Variants in IMMP2L observed in about 807,000 individuals in gnomAD.
IMMP2L encodes mitochondrial inner membrane protease subunit 2.
In IMMP2L, 18 loss-of-function variants were observed where a neutral mutation model predicts 19.3. The observed-to-expected ratio is 0.93, with a 90% CI of 0.64 to 1.38. The LOEUF is 1.38. IMMP2L is among the 40% of genes most tolerant of loss of function. The pLI is 0.00. For missense variants in IMMP2L, 233 were observed against 218.2 expected (o/e 1.07, Z -0.43); for synonymous variants, 76 against 73.0 (o/e 1.04, Z -0.21).
rs1288743353 is a variant in IMMP2L, at chr7:111,426,350, T to C, written c.239+60888A>G. 2.0e-5 allele frequency among the ~76,000 whole-genome samples: 3 copies of C among 150,210 alleles called. 1 individual carries two copies. Among genetic ancestry groups the C allele is most frequent in the Non-Finnish European group, 4.4e-5 (3 of 67,692 alleles). On this transcript the variant is annotated intron_variant, in intron 3 of 5. Transcript: ENST00000405709. ...TTCACCACTAAATCACAGCAACATGTATTTCATTTATAATAATTAAAGGTA... is the reference window on the plus strand; with the variant it reads ...TTCACCACTAAATCACAGCAACATGCATTTCATTTATAATAATTAAAGGTA...
chr7:111,020,543 C>G (rs945625040), intron 3 of IMMP2L, among the ~76,000 whole-genome samples: 1 of 152,128 alleles, frequency 6.6e-6, no homozygotes, highest in Non-Finnish European at 1.5e-5. Context: ...AGGTGGATTG[C>G]TTGAGCATAG....
At chr7:111,001,084 G>GAC (rs1190511399) in intron 3 of IMMP2L, among the ~76,000 whole-genome samples, 1 of 152,130 alleles carries the variant, frequency 6.6e-6, no homozygotes, top group Non-Finnish European at 1.5e-5. Context: ...GTAATGTGTA[G>GAC]ACACAGCATT....
intron 3 of IMMP2L, among the ~76,000 whole-genome samples, chr7:111,018,272 G>A (rs1398567435): frequency 6.6e-6 from 1 of 152,160 alleles, no homozygotes; most frequent in African/African-American, 2.4e-5. Flanking sequence ...GGGACACAGT[G>A]TTAATAGAAC....
rs181361508 is a variant in IMMP2L, at chr7:110,797,834, T to A, written c.408+88759A>T. 3.9e-5 allele frequency among the ~76,000 whole-genome samples: 6 copies of A among 152,150 alleles called. No individual in the cohort carries two copies. The East Asian group carries it at 1.2e-3, about 29-fold the overall frequency. On this transcript the variant is annotated intron_variant, in intron 5 of 5. Transcript: ENST00000405709. ...AAAACACATGAAGGATCGCAGTGCA[T>A]GACAGTATAAAATAAGTGTCATGTC...
intron 3 of IMMP2L, among the ~76,000 whole-genome samples, chr7:111,236,348 T>G (rs1167198065): frequency 1.3e-5 from 2 of 152,112 alleles, no homozygotes; most frequent in Non-Finnish European, 2.9e-5. Context: ...CCTATAGAAG[T>G]TGGCTTTTAA....
At chr7:110,767,035 G>C (rs757446401) in intron 5 of IMMP2L, among the ~76,000 whole-genome samples, 1 of 152,088 alleles carries the variant, frequency 6.6e-6, no homozygotes, top group Non-Finnish European at 1.5e-5. Flanking sequence ...TAATGATTAC[G>C]TGGAAGCATT....
chr7:110,983,376 A>G (rs546464619), intron 3 of IMMP2L, among the ~76,000 whole-genome samples: 1 of 152,194 alleles, frequency 6.6e-6, no homozygotes, highest in South Asian at 2.1e-4. Flanking sequence ...ACAGATTGAT[A>G]ATAAACATTG....
At chr7:111,472,934 A>T (rs375625794) in intron 3 of IMMP2L, among the ~76,000 whole-genome samples, 23 of 152,206 alleles carry the variant, frequency 1.5e-4, no homozygotes, top group East Asian at 5.8e-4. Context: ...AGTCTCTACT[A>T]AAAGAAAAAA....
chr7:111,487,218 T>A lies in IMMP2L; in HGVS notation c.239+20A>T. The stretch of plus-strand genomic sequence containing the variant: ...TAAATAATTTTATATACAAATATAG[T>A]ATGCTTCTGAGTTACTTACACCAAT... On this transcript the variant is annotated intron_variant, in intron 3 of 5. Transcript: ENST00000405709. The A allele has an allele frequency of 9.3e-7, 1 of 1,074,464 alleles. No homozygotes were observed. The highest frequency in any genetic ancestry group is 2.4e-5 in the East Asian group (1 of 42,342). 66.6% of individuals were successfully genotyped at this position (1,074,464 alleles called of 1,614,324 possible).
intron 2 of IMMP2L, 129 bp from the exon 3 acceptor site, chr7:111,487,470 T>G: frequency 7.5e-6 from 4 of 534,854 alleles, no homozygotes; most frequent in Non-Finnish European, 1.3e-5. Context: ...AAATTGCTGT[T>G]CTAAAGTAAC....
chr7:111,193,798 T>A (rs1809165828), intron 3 of IMMP2L, among the ~76,000 whole-genome samples: 1 of 152,188 alleles, frequency 6.6e-6, no homozygotes, highest in Non-Finnish European at 1.5e-5. Flanking sequence ...TTTAGCGATA[T>A]AATTTATATT....
chr7:110,937,053 G>C (rs1438594759), intron 4 of IMMP2L, among the ~76,000 whole-genome samples: 1 of 152,094 alleles, frequency 6.6e-6, no homozygotes, highest in Non-Finnish European at 1.5e-5. Flanking sequence ...GGGCCGGTAG[G>C]GGGTTTGAGG....
intron 3 of IMMP2L, among the ~76,000 whole-genome samples, chr7:111,341,626 A>T (rs1827018023): frequency 6.6e-6 from 1 of 152,162 alleles, no homozygotes; most frequent in Non-Finnish European, 1.5e-5. Flanking sequence ...CCTTGATAAC[A>T]TATGAAATAT....
At chr7:111,309,493 T>G (rs772459172) in intron 3 of IMMP2L, among the ~76,000 whole-genome samples, 1 of 152,142 alleles carries the variant, frequency 6.6e-6, no homozygotes, top group Non-Finnish European at 1.5e-5. Context: ...TCATTTACTA[T>G]GTGGTATCTC....
chr7:111,399,210 C>A (rs1442823097), intron 3 of IMMP2L, among the ~76,000 whole-genome samples: 1 of 152,134 alleles, frequency 6.6e-6, no homozygotes, highest in Non-Finnish European at 1.5e-5. Flanking sequence ...CTGGAGGCAT[C>A]ACACTACCTG....
chr7:111,425,524 A>G (rs1294783585), intron 3 of IMMP2L, among the ~76,000 whole-genome samples: 2 of 151,120 alleles, frequency 1.3e-5, no homozygotes, highest in Admixed American at 1.3e-4. Flanking sequence ...ATAAATAAAT[A>G]AGATGGACTG....
At chr7:110,748,195 G>A (rs1480349100) in intron 5 of IMMP2L, among the ~76,000 whole-genome samples, 1 of 152,128 alleles carries the variant, frequency 6.6e-6, no homozygotes, top group African/African-American at 2.4e-5. Flanking sequence ...TATAATGGAT[G>A]TGAAGGACCT....
chr7:111,083,593 C>T (rs1307875169), intron 3 of IMMP2L, among the ~76,000 whole-genome samples: 2 of 152,160 alleles, frequency 1.3e-5, no homozygotes, highest in Admixed American at 6.5e-5. Context: ...TGAAGCCTGA[C>T]TTGCATTCTA....
chr7:110,748,777 A>G (rs1562953864), intron 5 of IMMP2L, among the ~76,000 whole-genome samples: 1 of 152,214 alleles, frequency 6.6e-6, no homozygotes, highest in Non-Finnish European at 1.5e-5. Flanking sequence ...TAAACCTAAG[A>G]CCTAAAACCA....
Sources: gnomAD v4.1 joint callset for allele counts (sites outside exome capture counted in the v4.1 genomes callset) on GRCh38, gnomAD v4.1.1 for gene constraint, MANE v1.5 for transcripts, NCBI Gene and HGNC (gene_info 2026-07-23, HGNC 2026-07-21) for gene names.